The following SPTBN1 variants were observed in gnomAD, a reference collection of about 807,000 sequenced individuals.
The protein encoded by SPTBN1 is spectrin beta chain, non-erythrocytic 1.
SPTBN1 carries 32 observed loss-of-function variants against 266.4 expected under a neutral mutation model. The ratio of observed to expected loss-of-function variants is 0.12; its 90% CI spans 0.09 to 0.16. The LOEUF is 0.16. Among genes scored for constraint, SPTBN1 ranks in the 10% least tolerant of loss-of-function variants. The pLI is 1.00. For synonymous variants in SPTBN1, 1,336 were observed against 1,162.2 expected, an observed-to-expected ratio of 1.15 and a Z score of -3.04; for missense variants, 2,296 against 3,067.1, an observed-to-expected ratio of 0.75 and a Z score of 5.94.
At chr2:54,577,634 C>T (rs1025190331) in intron 2 of SPTBN1, among the ~76,000 whole-genome samples, 7 of 152,196 alleles carry the variant, frequency 4.6e-5, no homozygotes, top group Admixed American at 1.3e-4. Context: ...CTCCTCATAG[C>T]GTCCTTGTGT....
intron 2 of SPTBN1, among the ~76,000 whole-genome samples, chr2:54,528,949 A>G (rs4519565): frequency 0.36 from 54,111 of 152,086 alleles, 10,099 homozygotes; most frequent in East Asian, 0.45. Context: ...TAATGAAGGA[A>G]ATTATCTTAT....
chr2:54,561,934 C>T (rs1322222055), intron 2 of SPTBN1, among the ~76,000 whole-genome samples: 1 of 151,482 alleles, frequency 6.6e-6, no homozygotes, highest in Non-Finnish European at 1.5e-5. Context: ...ACGAAGCCTC[C>T]TGGCATAAGA....
rs1308903823 is a variant in SPTBN1 at position 54,653,515 on chromosome 2, C to T, written c.5578-94C>T. 5 of 1,531,060 alleles carry T rather than the reference C, an allele frequency of 3.3e-6. No homozygotes were observed. The highest frequency in any genetic ancestry group is 4.4e-6 in the Non-Finnish European group (5 of 1,146,408). 94.8% of individuals were successfully genotyped at this position (1,531,060 alleles called of 1,614,324 possible). A position where few individuals can be genotyped will look rare whatever the true frequency, so the allele number is the denominator to read the frequency against. On this transcript the variant is annotated intron_variant, in intron 26 of 35. Transcript: ENST00000356805. This position sits in a 1 kb window ranked among gnomAD's most constrained non-coding sequence, Gnocchi z 5.1. ...TGGGCCATATTTTGACTCTGTGCTC[C>T]CTTTAGTGTATGAGCAGAACAGAAT...
chr2:54,595,822 C>T (rs748358513), intron 2 of SPTBN1, among the ~76,000 whole-genome samples: 1 of 152,192 alleles, frequency 6.6e-6, no homozygotes, highest in African/African-American at 2.4e-5. Flanking sequence ...GGATGTTAAG[C>T]AGCATCCTGG....
At chr2:54,566,724 G>A (rs1673689757) in intron 2 of SPTBN1, among the ~76,000 whole-genome samples, 1 of 151,976 alleles carries the variant, frequency 6.6e-6, no homozygotes, top group South Asian at 2.1e-4. Flanking sequence ...CCAGCTACTC[G>A]GGAGGCTGAG....
intron 1 of SPTBN1, among the ~76,000 whole-genome samples, chr2:54,465,159 A>G (rs1276057718): frequency 2.0e-5 from 3 of 152,218 alleles, no homozygotes; most frequent in Non-Finnish European, 2.9e-5. Context: ...TCTAAGAGCA[A>G]TGATACAGTG....
At position 54,649,817 on chromosome 2, in the gene SPTBN1, C is replaced by A. The variant is rs776624596; in HGVS notation, c.5405C>A (p.Ala1802Asp). Residue 1802 changes from alanine to aspartate, a missense_variant, in exon 26 of 36, where the codon GCC (alanine) becomes GAC (aspartate). Physicochemically the swap from Ala to Asp is moderately radical, Grantham distance 126. Coordinates refer to ENST00000356805, the MANE Select transcript of SPTBN1 (RefSeq NM_003128.3). This position sits in a 1 kb window ranked among gnomAD's most constrained non-coding sequence, Gnocchi z 6.7. ...ATTGACACAAGAACACAGATTCTTGCCGCTTCCTATGAACTGCACAAGTTT... is the reference window on the plus strand; with the variant it reads ...ATTGACACAAGAACACAGATTCTTGACGCTTCCTATGAACTGCACAAGTTT... ...ELIDTRTQIL[A>D]ASYELHKFYH... The A allele has an allele frequency of 1.2e-6, 2 of 1,614,096 alleles. No individual in the cohort carries two copies. The highest frequency in any genetic ancestry group is 2.7e-5 in the African/African-American group (2 of 74,930).
At chr2:54,598,946 C>G (rs1485221588) in intron 2 of SPTBN1, 146 bp from the exon 3 acceptor site, 3 of 761,744 alleles carry the variant, frequency 3.9e-6, no homozygotes, top group Non-Finnish European at 6.3e-6. Context: ...AAGACATGAC[C>G]GCAGTTAAGG....
At chr2:54,631,645 T>G (rs1678737238) in intron 16 of SPTBN1, 34 bp downstream of exon 16, 1 of 1,587,164 alleles carries the variant, frequency 6.3e-7, no homozygotes, top group Non-Finnish European at 8.6e-7. Context: ...TTCCTTTCGG[T>G]GAAAGCAGCC....
chr2:54,464,392 A>G (rs1327805798), intron 1 of SPTBN1, among the ~76,000 whole-genome samples: 3 of 152,240 alleles, frequency 2.0e-5, no homozygotes, highest in Non-Finnish European at 4.4e-5. Flanking sequence ...TGCCGGTAAT[A>G]CAGGGGTTAG....
intron 1 of SPTBN1, among the ~76,000 whole-genome samples, chr2:54,522,835 G>T (rs1218642080): frequency 1.3e-5 from 2 of 152,164 alleles, no homozygotes; most frequent in Non-Finnish European, 2.9e-5. Flanking sequence ...CAGGTGCGGT[G>T]GATGTTGCAG....
chr2:54,513,318 A>G (rs548605386), intron 1 of SPTBN1, among the ~76,000 whole-genome samples: 12 of 152,178 alleles, frequency 7.9e-5, no homozygotes, highest in South Asian at 4.1e-4. Context: ...GTAGTTTTAC[A>G]TATTTGTTTC....
intron 1 of SPTBN1, among the ~76,000 whole-genome samples, chr2:54,525,794 G>A (rs879368542): frequency 3.3e-5 from 5 of 152,100 alleles, no homozygotes; most frequent in Non-Finnish European, 5.9e-5. Flanking sequence ...GCAATGGCAC[G>A]ATATCGGCTC....
In SPTBN1 at chr2:54,629,340, C is replaced by T. The variant is rs370008657; in HGVS notation, c.2206C>T (p.Arg736Trp). 4.3e-6 allele frequency: 7 copies of T among 1,613,912 alleles called. No individual in the cohort carries two copies. The highest frequency in any genetic ancestry group is 1.3e-5 in the African/African-American group (1 of 74,940). The change falls in exon 14 of 36, where the codon CGG becomes TGG. Residue 736 changes from arginine (R) to tryptophan (W), a missense_variant. Transcript: ENST00000356805. The stretch of plus-strand genomic sequence containing the variant: ...CAACCTAGAGCAGCTCTCGGCCATT[C>T]GGAAGAAGCGCCTGGAGGAGGCCTC... ...WANLEQLSAIRKKRLEEASLL... is the reference protein window; with the variant it reads ...WANLEQLSAIWKKRLEEASLL...
intron 2 of SPTBN1, among the ~76,000 whole-genome samples, chr2:54,576,011 A>G (rs1266570441): frequency 7.2e-6 from 1 of 138,890 alleles, no homozygotes; most frequent in Non-Finnish European, 1.5e-5. Flanking sequence ...GAGGTGGATG[A>G]TGGTAATGGT....
chr2:54,631,347 G>A lies in SPTBN1; in HGVS notation c.3300G>A (p.Leu1100=). 6.2e-7 allele frequency: 1 copy of A among 1,614,266 alleles called. No individual in the cohort carries two copies. Among genetic ancestry groups the A allele is most frequent in the Non-Finnish European group, 8.5e-7 (1 of 1,180,050 alleles). Residue 1100 remains leucine, a synonymous_variant, in exon 16 of 36, where the codon CTG becomes CTA. Coordinates refer to ENST00000356805, the MANE Select transcript of SPTBN1 (RefSeq NM_003128.3). ...MPNTLTEAEK[L]LTQHENIKNE... ...ACACCCTGACCGAGGCTGAGAAGCT[G>A]CTCACGCAGCACGAGAACATCAAGA... is the stretch of plus-strand genomic sequence containing the variant.
At chr2:54,576,533 A>T (rs1190899559) in intron 2 of SPTBN1, among the ~76,000 whole-genome samples, 1 of 152,082 alleles carries the variant, frequency 6.6e-6, no homozygotes, top group Non-Finnish European at 1.5e-5. Flanking sequence ...TCAACTGACA[A>T]ATCCTGGAAG....
intron 10 of SPTBN1, 30 bp downstream of exon 10, chr2:54,623,626 C>T (rs745622788): frequency 1.3e-6 from 2 of 1,568,386 alleles, no homozygotes; most frequent in Non-Finnish European, 1.7e-6. Context: ...TGCATGGGCC[C>T]TGACCTCCTG....
At chr2:54,478,569 C>T (rs1246010718) in intron 1 of SPTBN1, among the ~76,000 whole-genome samples, 2 of 152,100 alleles carry the variant, frequency 1.3e-5, no homozygotes, top group Non-Finnish European at 2.9e-5. Flanking sequence ...CTCCGAGAGG[C>T]TAGGTGCAAT....
Sources: allele counts gnomAD v4.1 joint callset (sites outside exome capture counted in the v4.1 genomes callset), GRCh38; gene constraint gnomAD v4.1.1; non-coding constraint Gnocchi (gnomAD v3.1); transcripts MANE v1.5; gene names NCBI Gene and HGNC (gene_info 2026-07-23, HGNC 2026-07-21).